CSMD1: variants seen among roughly 807,000 people sequenced by gnomAD.
The protein encoded by CSMD1 is CUB and Sushi multiple domains 1.
CSMD1 carries 213 observed loss-of-function variants against 417.5 expected under a neutral mutation model. The ratio of observed to expected loss-of-function variants is 0.51; its 90% CI spans 0.46 to 0.57. CSMD1 has a LOEUF of 0.57. Among genes scored for constraint, CSMD1 ranks in the 20% least tolerant of loss-of-function variants. CSMD1 has a pLI of 0.00. For synonymous variants in CSMD1, 2,862 were observed against 1,736.8 expected (o/e 1.65, Z -16.11); for missense variants, 6,923 against 4,529.7 (o/e 1.53, Z -15.17).
intron 3 of CSMD1, among the ~76,000 whole-genome samples, chr8:4,305,013 A>G (rs781667125): frequency 2.6e-5 from 4 of 152,152 alleles, no homozygotes; most frequent in African/African-American, 9.7e-5. Context: ...GACCCACTAC[A>G]AACACACAGT....
intron 6 of CSMD1, among the ~76,000 whole-genome samples, chr8:3,740,529 C>A (rs1401767371): frequency 6.6e-6 from 1 of 152,098 alleles, no homozygotes; most frequent in Non-Finnish European, 1.5e-5. Context: ...ATGTGATATA[C>A]AGACGGAAAG....
At chr8:4,162,146 A>G (rs1036206622) in intron 3 of CSMD1, among the ~76,000 whole-genome samples, 6 of 152,200 alleles carry the variant, frequency 3.9e-5, no homozygotes, top group Non-Finnish European at 7.3e-5. Context: ...AACCAGTGCG[A>G]CATCGTAATT....
intron 8 of CSMD1, among the ~76,000 whole-genome samples, chr8:3,609,665 C>T (rs1300203841): frequency 6.6e-6 from 1 of 151,554 alleles, no homozygotes; most frequent in East Asian, 1.9e-4. Flanking sequence ...CAAATGAGCT[C>T]ATCTACGCAT....
At chr8:3,529,082 A>G (rs1051757977) in intron 10 of CSMD1, among the ~76,000 whole-genome samples, 47 of 152,316 alleles carry the variant, frequency 3.1e-4, no homozygotes, top group African/African-American at 1.1e-3. Flanking sequence ...CACTTTCAAC[A>G]GAATATACCG....
At chr8:3,256,615 T>C (rs915060266) in intron 26 of CSMD1, among the ~76,000 whole-genome samples, 2 of 152,218 alleles carry the variant, frequency 1.3e-5, no homozygotes, top group Non-Finnish European at 2.9e-5. Context: ...TTCTTACTTT[T>C]GACTCTGAAT....
chr8:4,234,691 G>T (rs1801940969), intron 3 of CSMD1, among the ~76,000 whole-genome samples: 1 of 152,152 alleles, frequency 6.6e-6, no homozygotes, highest in Non-Finnish European at 1.5e-5. Flanking sequence ...GTTAATGAAT[G>T]AATGGTGTGG....
intron 17 of CSMD1, among the ~76,000 whole-genome samples, chr8:3,393,341 C>A (rs567226397): frequency 6.6e-6 from 1 of 152,266 alleles, no homozygotes; most frequent in African/African-American, 2.4e-5. Context: ...CCTGAGACTT[C>A]CAACAAGGTG....
At chr8:4,597,165 A>G (rs1416786777) in intron 2 of CSMD1, among the ~76,000 whole-genome samples, 1 of 152,186 alleles carries the variant, frequency 6.6e-6, no homozygotes, top group Non-Finnish European at 1.5e-5. Context: ...TCCTCAGTCA[A>G]AACTTTGAAA....
At chr8:4,201,836 G>C (rs555782498) in intron 3 of CSMD1, among the ~76,000 whole-genome samples, 2 of 146,164 alleles carry the variant, frequency 1.4e-5, no homozygotes, top group Non-Finnish European at 3.0e-5. Context: ...CCTTATAGAA[G>C]GATCTTAATT....
At chr8:3,449,820 G>C (rs981225942) in intron 12 of CSMD1, among the ~76,000 whole-genome samples, 2 of 152,160 alleles carry the variant, frequency 1.3e-5, no homozygotes, top group Non-Finnish European at 2.9e-5. Context: ...ACCTAGCCGA[G>C]AGCAACATTT....
At chr8:3,310,315 T>G (rs561714658) in intron 23 of CSMD1, among the ~76,000 whole-genome samples, 44 of 152,010 alleles carry the variant, frequency 2.9e-4, no homozygotes, top group African/African-American at 1.0e-3. Context: ...AGCAGAAGTC[T>G]TTACTGTTGT....
intron 2 of CSMD1, among the ~76,000 whole-genome samples, chr8:4,480,388 C>G (rs976432399): frequency 1.3e-5 from 2 of 152,066 alleles, no homozygotes; most frequent in Non-Finnish European, 2.9e-5. Flanking sequence ...AATATTTGAG[C>G]CTTAATTTAA....
At chr8:4,450,269 C>A (rs1464976972) in intron 2 of CSMD1, among the ~76,000 whole-genome samples, 2 of 152,174 alleles carry the variant, frequency 1.3e-5, no homozygotes, top group Admixed American at 6.5e-5. Flanking sequence ...TTCAGGAGCA[C>A]ACAACATGGG....
chr8:3,216,895 C>T (rs1797912550), intron 29 of CSMD1, among the ~76,000 whole-genome samples: 1 of 152,260 alleles, frequency 6.6e-6, no homozygotes, highest in South Asian at 2.1e-4. Context: ...CTATCCACAC[C>T]AGCACTTGCT....
chr8:4,419,373 G>A (rs1797123656), intron 3 of CSMD1, among the ~76,000 whole-genome samples: 1 of 151,894 alleles, frequency 6.6e-6, no homozygotes, highest in South Asian at 2.1e-4. Flanking sequence ...TTCTATCTCT[G>A]CATTTAAAAA....
At chr8:4,503,522 G>A (rs1405898226) in intron 2 of CSMD1, among the ~76,000 whole-genome samples, 2 of 152,074 alleles carry the variant, frequency 1.3e-5, no homozygotes, top group African/African-American at 4.8e-5. Context: ...TCACACCTGA[G>A]ACACCGTTAA....
chr8:4,430,537 A>C (rs1277845417), intron 2 of CSMD1, among the ~76,000 whole-genome samples: 1 of 152,184 alleles, frequency 6.6e-6, no homozygotes, highest in Admixed American at 6.5e-5. Context: ...TCTGATAGAC[A>C]CTACTCTCTA....
chr8:3,345,297 A>G (rs972677858), intron 22 of CSMD1, among the ~76,000 whole-genome samples: 1 of 152,188 alleles, frequency 6.6e-6, no homozygotes, highest in African/African-American at 2.4e-5. Flanking sequence ...ACCACTAAAA[A>G]TGAACAGCTC....
At chr8:4,577,975 T>G (rs1012563982) in intron 2 of CSMD1, among the ~76,000 whole-genome samples, 1 of 152,200 alleles carries the variant, frequency 6.6e-6, no homozygotes, top group African/African-American at 2.4e-5. Flanking sequence ...CTGGTTTCTA[T>G]GTAAATTTTG....
Sources: allele counts gnomAD v4.1 joint callset (sites outside exome capture counted in the v4.1 genomes callset), GRCh38; gene constraint gnomAD v4.1.1; transcripts MANE v1.5; gene names NCBI Gene and HGNC (gene_info 2026-07-23, HGNC 2026-07-21).